Variants in SMG5 observed in about 807,000 individuals in gnomAD.
SMG5 encodes the protein nonsense-mediated mRNA decay factor SMG5.
A neutral mutation model predicts 122.9 loss-of-function variants in SMG5; 53 were observed. The ratio of observed to expected loss-of-function variants is 0.43; its 90% CI spans 0.35 to 0.54. SMG5 has a LOEUF of 0.54. SMG5 is among the 20% of genes least tolerant of loss of function. The pLI, the probability that SMG5 is intolerant of heterozygous loss-of-function variation, is 0.01. For missense variants in SMG5, 1,153 were observed against 1,285.6 expected (o/e 0.90, Z 1.58); for synonymous variants, 477 against 490.2 (o/e 0.97, Z 0.35).
At chr1:156,285,549 C>G (rs539556281), upstream of SMG5, 1 of 1,614,214 alleles carries the variant, frequency 6.2e-7, no homozygotes, top group South Asian at 1.1e-5. Flanking sequence ...GAACCACTTA[C>G]CAAGCTAGAG....
intron 4 of SMG5, among the ~76,000 whole-genome samples, chr1:156,275,299 C>A (rs930792867): frequency 6.6e-6 from 1 of 152,152 alleles, no homozygotes; most frequent in Admixed American, 6.6e-5. Flanking sequence ...CTTGCCCTGC[C>A]TGAGGCTGCT....
At chr1:156,269,861 C>T (rs558776827) in intron 7 of SMG5, among the ~76,000 whole-genome samples, 13 of 152,006 alleles carry the variant, frequency 8.6e-5, no homozygotes, top group South Asian at 4.2e-4. Context: ...TGCGACAGTG[C>T]GAGACTCCAT....
upstream of SMG5, chr1:156,285,041 C>T (rs564138500): frequency 3.6e-6 from 2 of 551,336 alleles, no homozygotes; most frequent in Non-Finnish European, 5.8e-6. Flanking sequence ...TCAGTGTCTT[C>T]CTCTGTACCA....
At position 156,249,464 on chromosome 1, in the gene SMG5, G is replaced by A. The variant is rs767444554; in HGVS notation, c.*1123C>T. 3.8e-5 allele frequency: 13 copies of A among 343,054 alleles called. No homozygotes were observed. Among genetic ancestry groups the A allele is most frequent in the Non-Finnish European group, 3.5e-5 (6 of 173,704 alleles). The allele number at this position is 343,054 out of a possible 1,614,324, so 21.3% of individuals were successfully genotyped here. A position where few individuals can be genotyped will look rare whatever the true frequency, so the allele number is the denominator to read the frequency against. Reference sequence around the variant, plus strand: ...TGTGCTATCCTCCCAGCCTGAGGGGGAGGAGCTGAGGCAATCCTGGCTGCA... The same window carrying A: ...TGTGCTATCCTCCCAGCCTGAGGGGAAGGAGCTGAGGCAATCCTGGCTGCA... On this transcript the variant is annotated 3_prime_UTR_variant, in exon 22 of 22. Coordinates refer to ENST00000361813, the MANE Select transcript of SMG5 (RefSeq NM_015327.3).
rs200615218 is a variant in SMG5, at chr1:156,250,989, A to G, written c.2836T>C (p.Tyr946His). The change falls in exon 21 of 22, where the codon TAT (tyrosine) becomes CAT (histidine). Residue 946 changes from tyrosine to histidine, a missense_variant. Physicochemically the swap from Tyr to His is moderately conservative, Grantham distance 83. Transcript: ENST00000361813. ...KRQDADAWTL[Y>H]KILDSCKQLT... ...TGTTTGCAGCTGTCTAGGATCTTAT[A>G]GAGAGTCCTGGGGATGGGGGGCAGA... 768 of 1,613,638 alleles carry G rather than the reference A, an allele frequency of 4.8e-4. No individual in the cohort carries two copies. Among genetic ancestry groups the G allele is most frequent in the Non-Finnish European group, 6.3e-4 (746 of 1,179,828 alleles).
At chr1:156,256,027 A>G (rs1661562872) in intron 16 of SMG5, among the ~76,000 whole-genome samples, 1 of 152,216 alleles carries the variant, frequency 6.6e-6, no homozygotes, top group Non-Finnish European at 1.5e-5. Context: ...GAAAAGGAAA[A>G]ACTGAGAACT....
chr1:156,255,031 C>T (rs1461224121), intron 16 of SMG5, among the ~76,000 whole-genome samples: 1 of 151,598 alleles, frequency 6.6e-6, no homozygotes, highest in Non-Finnish European at 1.5e-5. Context: ...GCAAAGGTTG[C>T]AGTGAGCCGA....
At chr1:156,284,242 GC>G (rs1663081334), upstream of SMG5, 1 of 152,212 alleles carries the variant, frequency 6.6e-6, no homozygotes, top group Non-Finnish European at 1.5e-5. Flanking sequence ...GGCGGGGCCT[GC>G]CCCTTTAAGC....
intron 16 of SMG5, among the ~76,000 whole-genome samples, chr1:156,256,029 C>A (rs1661562962): frequency 6.6e-6 from 1 of 152,198 alleles, no homozygotes; most frequent in African/African-American, 2.4e-5. Context: ...AAAGGAAAAA[C>A]TGAGAACTGT....
rs1401464024 is a variant in SMG5, at chr1:156,277,862, C to A, written c.297+63G>T. 4 of 1,601,940 alleles carry A rather than the reference C, an allele frequency of 2.5e-6. No individual in the cohort carries two copies. The East Asian group carries it at 9.0e-5, about 36-fold the overall frequency. On this transcript the variant is annotated intron_variant, in intron 3 of 21. Coordinates refer to ENST00000361813, the MANE Select transcript of SMG5 (RefSeq NM_015327.3). Reference sequence around the variant, plus strand: ...CCCTACCTCCAACCATGTTCTGCGCCCACTTTCCTAGCTGTCTCTTCCTTC... The same window carrying A: ...CCCTACCTCCAACCATGTTCTGCGCACACTTTCCTAGCTGTCTCTTCCTTC...
chr1:156,275,809 G>A (rs953996669), intron 4 of SMG5, among the ~76,000 whole-genome samples: 5 of 149,014 alleles, frequency 3.4e-5, no homozygotes, highest in Admixed American at 1.4e-4. Flanking sequence ...TTTAGATAAT[G>A]TGGTGGTTTT....
chr1:156,281,408 T>A (rs770069425), intron 1 of SMG5, among the ~76,000 whole-genome samples: 12 of 152,304 alleles, frequency 7.9e-5, no homozygotes, highest in Non-Finnish European at 1.6e-4. Context: ...GGCAGCATGA[T>A]AAGGCACACG....
chr1:156,277,806 C>A (rs1047609328), intron 3 of SMG5, 119 bp downstream of exon 3: 1 of 1,371,894 alleles, frequency 7.3e-7, no homozygotes, highest in Admixed American at 1.8e-5. Flanking sequence ...GCCACCGTGC[C>A]CAGCCTCTTA....
intron 6 of SMG5, 63 bp downstream of exon 6, chr1:156,273,298 A>T: frequency 7.2e-7 from 1 of 1,392,768 alleles, no homozygotes; most frequent in Non-Finnish European, 1.0e-6. Flanking sequence ...TGCCATCTCA[A>T]CAACATCGTC....
intron 17 of SMG5, 97 bp downstream of exon 17, chr1:156,253,352 A>G: frequency 7.8e-7 from 1 of 1,276,080 alleles, no homozygotes; most frequent in Non-Finnish European, 1.1e-6. Context: ...GAGGCAACAG[A>G]GCAGGGGGAC....
chr1:156,287,762 G>T (rs1204278710), upstream of SMG5, among the ~76,000 whole-genome samples: 1 of 151,870 alleles, frequency 6.6e-6, no homozygotes, highest in East Asian at 2.0e-4. Context: ...GATTACAGGC[G>T]CCCACCACCA....
rs764793605 is a variant in SMG5 at position 156,252,509 on chromosome 1, T to TGGG, written c.2663-8_2663-6dup. On this transcript the variant is annotated splice_region_variant and splice_polypyrimidine_tract_variant and intron_variant, in intron 18 of 21. Transcript: ENST00000361813. ...GCAAATCCAGGCCATCGATCACTGG[T>TGGG]GGGCAAGGTAGGGAAAGACAAAACA... 1 of 1,613,856 alleles carries TGGG rather than the reference T, an allele frequency of 6.2e-7. No homozygotes were observed. Among genetic ancestry groups the TGGG allele is most frequent in the South Asian group, 1.1e-5 (1 of 91,066 alleles).
intron 2 of SMG5, 44 bp downstream of exon 2, chr1:156,278,892 G>C (rs1434094283): frequency 1.3e-6 from 2 of 1,506,638 alleles, no homozygotes; most frequent in East Asian, 4.5e-5. Context: ...GTAGAGATAG[G>C]CAGGGAAACA....
intron 16 of SMG5, among the ~76,000 whole-genome samples, chr1:156,255,135 C>A (rs1406803041): frequency 6.6e-6 from 1 of 151,536 alleles, no homozygotes; most frequent in Non-Finnish European, 1.5e-5. Context: ...AAATATTAAT[C>A]TTGGGGCCAG....
Sources: allele counts gnomAD v4.1 joint callset (sites outside exome capture counted in the v4.1 genomes callset), GRCh38; gene constraint gnomAD v4.1.1; transcripts MANE v1.5; gene names NCBI Gene and HGNC (gene_info 2026-07-23, HGNC 2026-07-21).